The following TRAT1 variants were observed in gnomAD, a reference collection of about 807,000 sequenced individuals.
TRAT1 encodes T cell receptor associated transmembrane adaptor 1, also known as T-cell receptor-associated transmembrane adapter 1.
In TRAT1, 20 loss-of-function variants were observed where a neutral mutation model predicts 20.0. The observed-to-expected ratio is 1.00, with a 90% CI of 0.70 to 1.45. The LOEUF (loss-of-function observed/expected upper bound fraction) is 1.45, where lower values mean the gene tolerates loss of function less well. Among genes scored for constraint, TRAT1 ranks in the 40% most tolerant of loss-of-function variants. TRAT1 has a pLI of 0.00. For missense variants in TRAT1, 237 were observed against 224.1 expected, an observed-to-expected ratio of 1.06 and a Z score of -0.37; for synonymous variants, 77 against 74.2, an observed-to-expected ratio of 1.04 and a Z score of -0.20.
Position 108,853,973 on chromosome 3 carries a change from G to A in TRAT1, c.*96G>A. 1.7e-6 allele frequency: 2 copies of A among 1,176,480 alleles called. No homozygotes were observed. Among genetic ancestry groups the A allele is most frequent in the South Asian group, 1.4e-5 (1 of 69,526 alleles). The allele number at this position is 1,176,480 out of a possible 1,614,324, so 72.9% of individuals were successfully genotyped here. A position where few individuals can be genotyped will look rare whatever the true frequency, so the allele number is the denominator to read the frequency against. ...GGACACAGAAGGACTTGGCAGCAGG[G>A]TGATGACCTGATCATTTGTTGATGG... On this transcript the variant is annotated 3_prime_UTR_variant, in exon 6 of 6. Transcript: ENST00000295756.
intron 3 of TRAT1, 28 bp from the exon 4 acceptor site, chr3:108,847,040 T>C: frequency 5.4e-6 from 7 of 1,298,820 alleles, no homozygotes; most frequent in Non-Finnish European, 7.7e-6. Flanking sequence ...TGGAATCTAA[T>C]AAGGTAAATT....
intron 2 of TRAT1, among the ~76,000 whole-genome samples, chr3:108,834,491 T>A (rs914764630): frequency 6.6e-5 from 10 of 152,236 alleles, no homozygotes; most frequent in African/African-American, 2.4e-4. Flanking sequence ...TCAGAACTGC[T>A]CTGCAAACAG....
chr3:108,844,876 C>T (rs973929469), intron 3 of TRAT1, among the ~76,000 whole-genome samples: 4 of 126,800 alleles, frequency 3.2e-5, no homozygotes, highest in African/African-American at 6.7e-5. Flanking sequence ...AAAAGAAATA[C>T]GTGTATATAT....
intron 2 of TRAT1, among the ~76,000 whole-genome samples, chr3:108,838,075 A>G (rs577553960): frequency 2.0e-5 from 3 of 152,286 alleles, no homozygotes; most frequent in East Asian, 1.9e-4. Flanking sequence ...TTGTTGTCCT[A>G]CAACACATCT....
chr3:108,845,041 C>A (rs947545154), intron 3 of TRAT1, among the ~76,000 whole-genome samples: 3 of 152,020 alleles, frequency 2.0e-5, no homozygotes, highest in Non-Finnish European at 2.9e-5. Flanking sequence ...CTCAGAGGTA[C>A]ACTAGCCTCT....
At chr3:108,839,859 AT>A (rs951802910) in intron 3 of TRAT1, among the ~76,000 whole-genome samples, 1 of 152,126 alleles carries the variant, frequency 6.6e-6, no homozygotes, top group African/African-American at 2.4e-5. Context: ...TTTAAAAAAA[AT>A]ATTTATGGCA....
intron 1 of TRAT1, among the ~76,000 whole-genome samples, chr3:108,826,338 C>A (rs1427916453): frequency 1.3e-5 from 2 of 152,140 alleles, no homozygotes; most frequent in Non-Finnish European, 2.9e-5. Flanking sequence ...CTCCCCAACA[C>A]ACACCATTTA....
rs765736053 is a variant in TRAT1, at chr3:108,849,234, G to C, written c.283G>C (p.Glu95Gln). The C allele has an allele frequency of 1.2e-6, 2 of 1,614,016 alleles. No homozygotes were observed. Among genetic ancestry groups the C allele is most frequent in the Admixed American group, 3.3e-5 (2 of 60,008 alleles). The stretch of plus-strand genomic sequence containing the variant: ...AGAGAAATCTGTAAATAAGATGCAG[G>C]AAGCCACCCCATCTGCACAGGTGAG... Reference protein sequence around the residue: ...RPEKSVNKMQEATPSAQATNE... With the variant: ...RPEKSVNKMQQATPSAQATNE... The change falls in exon 5 of 6, where the codon GAA becomes CAA. Residue 95 changes from glutamate (E) to glutamine (Q), a missense_variant. Physicochemically the swap from Glu to Gln is conservative, Grantham distance 29. Transcript: ENST00000295756.
At chr3:108,826,108 C>CT (rs1945736182) in intron 1 of TRAT1, among the ~76,000 whole-genome samples, 1 of 152,066 alleles carries the variant, frequency 6.6e-6, no homozygotes, top group Non-Finnish European at 1.5e-5. Flanking sequence ...TTTATACTTT[C>CT]TTCAATTAAA....
intron 3 of TRAT1, among the ~76,000 whole-genome samples, chr3:108,840,102 C>CT (rs1233301433): frequency 7.9e-5 from 12 of 150,954 alleles, no homozygotes; most frequent in Non-Finnish European, 1.5e-4. Flanking sequence ...TCTTTAAGGT[C>CT]TTTTTTTTAA....
intron 2 of TRAT1, 76 bp from the exon 3 acceptor site, chr3:108,838,858 T>C: frequency 8.4e-7 from 1 of 1,185,178 alleles, no homozygotes; most frequent in Middle Eastern, 2.1e-4. Context: ...TAAACTCCCC[T>C]CAGAACACAC....
chr3:108,852,833 A>C (rs1009098614), intron 5 of TRAT1, among the ~76,000 whole-genome samples: 63 of 152,240 alleles, frequency 4.1e-4, no homozygotes, highest in African/African-American at 1.4e-3. Context: ...TCCCATGATC[A>C]CTGTATGGCA....
At chr3:108,853,515 G>A in intron 5 of TRAT1, 105 bp from the exon 6 acceptor site, 1 of 1,378,012 alleles carries the variant, frequency 7.3e-7, no homozygotes, top group Non-Finnish European at 9.9e-7. Flanking sequence ...CAAGGTAGGT[G>A]AGGCCTAGAA....
chr3:108,847,030 TG>T (rs756776657), intron 3 of TRAT1, 37 bp from the exon 4 acceptor site: 1 of 1,235,020 alleles, frequency 8.1e-7, no homozygotes, highest in Non-Finnish European at 1.2e-6. Context: ...ATGTGAAAAG[TG>T]GAATCTAATA....
chr3:108,843,208 A>T (rs1250734077), intron 3 of TRAT1, among the ~76,000 whole-genome samples: 2 of 152,164 alleles, frequency 1.3e-5, no homozygotes, highest in African/African-American at 4.8e-5. Context: ...TGTATTGTTT[A>T]TACCTTTAAA....
rs115041269 is a variant in TRAT1, at chr3:108,838,980, T to G, written c.152+13T>G. On this transcript the variant is annotated intron_variant, in intron 3 of 5. Transcript: ENST00000295756. Reference sequence around the variant, plus strand: ...GTGACCACACCAGGTATGTTGTGATTCAGTCATGGATCATGATTCCCAACT... The same window carrying G: ...GTGACCACACCAGGTATGTTGTGATGCAGTCATGGATCATGATTCCCAACT... The G allele has an allele frequency of 1.8e-3, 2,834 of 1,589,274 alleles. 38 individuals are homozygous for G. In the African/African-American group the frequency reaches 0.034, roughly 19 times the overall value.
chr3:108,826,096 T>C (rs1370539502), intron 1 of TRAT1, among the ~76,000 whole-genome samples: 4 of 152,170 alleles, frequency 2.6e-5, no homozygotes, highest in Non-Finnish European at 5.9e-5. Context: ...CTCACTCTCA[T>C]ATTTATACTT....
chr3:108,846,708 T>C (rs570300293), intron 3 of TRAT1, among the ~76,000 whole-genome samples: 7 of 152,310 alleles, frequency 4.6e-5, no homozygotes, highest in East Asian at 3.9e-4. Flanking sequence ...AGATTTCTTA[T>C]CTGCATAAGG....
At chr3:108,830,610 A>G in intron 1 of TRAT1, 60 bp from the exon 2 acceptor site, 1 of 1,140,976 alleles carries the variant, frequency 8.8e-7, no homozygotes, top group South Asian at 1.2e-5. Context: ...GGCAATAGCC[A>G]GACCAAAACA....
Sources: gnomAD v4.1 joint callset for allele counts (sites outside exome capture counted in the v4.1 genomes callset) on GRCh38, gnomAD v4.1.1 for gene constraint, MANE v1.5 for transcripts, NCBI Gene and HGNC (gene_info 2026-07-23, HGNC 2026-07-21) for gene names.